Variants in TSPAN5 observed in about 807,000 individuals in gnomAD.
TSPAN5 encodes the protein tetraspanin-5.
Under a neutral mutation model 37.1 loss-of-function variants are expected in TSPAN5, and 10 were observed. The observed-to-expected ratio is 0.27, with a 90% CI of 0.17 to 0.46. The LOEUF (loss-of-function observed/expected upper bound fraction) is 0.46, where lower values mean the gene tolerates loss of function less well. Among genes scored for constraint, TSPAN5 ranks in the 20% least tolerant of loss-of-function variants. The probability of loss-of-function intolerance (pLI) is 1.00; values close to 1 mark genes in which losing one functional copy is unlikely to be tolerated. For missense variants in TSPAN5, 195 were observed against 326.6 expected (o/e 0.60, Z 3.11); for synonymous variants, 110 against 118.9 (o/e 0.93, Z 0.48).
chr4:98,621,590 G>C (rs550212466), intron 1 of TSPAN5, among the ~76,000 whole-genome samples: 26 of 151,904 alleles, frequency 1.7e-4, no homozygotes, highest in Admixed American at 8.5e-4. Context: ...GGATGCTCTC[G>C]ATCTCCTGAC....
At chr4:98,534,553 T>G (rs949939055) in intron 1 of TSPAN5, among the ~76,000 whole-genome samples, 1 of 152,236 alleles carries the variant, frequency 6.6e-6, no homozygotes, top group African/African-American at 2.4e-5. Flanking sequence ...AGAGCTGAGT[T>G]CAAGTCCTGA....
At chr4:98,608,863 G>C (rs564535577) in intron 1 of TSPAN5, among the ~76,000 whole-genome samples, 1 of 152,030 alleles carries the variant, frequency 6.6e-6, no homozygotes, top group Non-Finnish European at 1.5e-5. Context: ...AGAGATGTTC[G>C]TTTCTTCTTT....
At chr4:98,532,738 G>C (rs895991066) in intron 1 of TSPAN5, among the ~76,000 whole-genome samples, 1 of 152,218 alleles carries the variant, frequency 6.6e-6, no homozygotes, top group Non-Finnish European at 1.5e-5. Context: ...TTGAATAGGA[G>C]TGGTGAGAGA....
At chr4:98,600,803 A>T (rs1213815521) in intron 1 of TSPAN5, among the ~76,000 whole-genome samples, 2 of 152,220 alleles carry the variant, frequency 1.3e-5, no homozygotes, top group Admixed American at 1.3e-4. Flanking sequence ...AATGGCATCT[A>T]GAATGATGAC....
chr4:98,592,790 G>A (rs1313182408), intron 1 of TSPAN5, among the ~76,000 whole-genome samples: 2 of 151,092 alleles, frequency 1.3e-5, no homozygotes, highest in Non-Finnish European at 3.0e-5. Flanking sequence ...TGGCTGCACA[G>A]TATTCCATGG....
intron 1 of TSPAN5, among the ~76,000 whole-genome samples, chr4:98,615,210 A>G (rs770802426): frequency 1.7e-4 from 26 of 152,150 alleles, no homozygotes; most frequent in Non-Finnish European, 3.4e-4. Context: ...CCTGCTACAG[A>G]GTTTTTGTGC....
chr4:98,474,788 T>C (rs112491404), intron 7 of TSPAN5, among the ~76,000 whole-genome samples: 9,269 of 151,588 alleles, frequency 0.061, 624 homozygotes, highest in African/African-American at 0.17. Context: ...ATCCTCCCAC[T>C]TCAGCCTGCT....
rs1475715568 is a variant in TSPAN5 at position 98,478,682 on chromosome 4, T to TA, written c.576+2dup. On this transcript the variant is annotated splice_region_variant and intron_variant, in intron 5 of 7. Coordinates refer to ENST00000305798, the MANE Select transcript of TSPAN5 (RefSeq NM_005723.4). ...GGCCAATAGTTCGCTGGCATTCACT[T>TA]ACTGCGGGATCTTTAGTGCAGCAGG... 1 of 1,614,194 alleles carries TA rather than the reference T, an allele frequency of 6.2e-7. No individual in the cohort carries two copies. The highest frequency in any genetic ancestry group is 8.5e-7 in the Non-Finnish European group (1 of 1,180,040).
chr4:98,523,559 T>C (rs989436724), intron 1 of TSPAN5, among the ~76,000 whole-genome samples: 3 of 152,102 alleles, frequency 2.0e-5, no homozygotes, highest in Non-Finnish European at 2.9e-5. Context: ...CTCAGCCTCT[T>C]GAATAGCTGG....
chr4:98,582,128 G>A (rs1755382142), intron 1 of TSPAN5, among the ~76,000 whole-genome samples: 1 of 152,194 alleles, frequency 6.6e-6, no homozygotes, highest in Non-Finnish European at 1.5e-5. Context: ...GTTAAACAGA[G>A]TACTAAGTGA....
intron 1 of TSPAN5, among the ~76,000 whole-genome samples, chr4:98,633,781 T>C (rs1041929493): frequency 6.6e-6 from 1 of 152,092 alleles, no homozygotes; most frequent in African/African-American, 2.4e-5. Flanking sequence ...CTCATGTACT[T>C]AAAAGTGATC....
intron 1 of TSPAN5, among the ~76,000 whole-genome samples, chr4:98,654,139 G>T (rs1348967792): frequency 6.6e-6 from 1 of 152,178 alleles, no homozygotes; most frequent in Non-Finnish European, 1.5e-5. Context: ...TGCCCAGAGG[G>T]CCTTCCGGTA....
At position 98,473,492 on chromosome 4, in the gene TSPAN5, G is replaced by A. The variant is rs949055775; in HGVS notation, c.742-905C>T. ...TTTTGAGACGGAGTCTCGCTCTGTCGCCCAGGCCGGACTGCGGACTGCAGT... is the reference window on the plus strand; with the variant it reads ...TTTTGAGACGGAGTCTCGCTCTGTCACCCAGGCCGGACTGCGGACTGCAGT... On this transcript the variant is annotated intron_variant, in intron 7 of 7. Coordinates refer to ENST00000305798, the MANE Select transcript of TSPAN5 (RefSeq NM_005723.4). Among the ~76,000 whole-genome samples the A allele has an allele frequency of 4.3e-5, 6 of 140,492 alleles. 1 individual carries two copies. The South Asian group carries it at 6.6e-4, about 15-fold the overall frequency. 92.2% of individuals were successfully genotyped at this position (140,492 alleles called of 152,430 possible). A position where few individuals can be genotyped will look rare whatever the true frequency, so the allele number is the denominator to read the frequency against.
chr4:98,553,159 C>A (rs1754660611), intron 1 of TSPAN5, among the ~76,000 whole-genome samples: 1 of 152,072 alleles, frequency 6.6e-6, no homozygotes, highest in African/African-American at 2.4e-5. Context: ...TGGAAGTTAG[C>A]AAAACATTGT....
At chr4:98,642,188 C>T (rs945759541) in intron 1 of TSPAN5, among the ~76,000 whole-genome samples, 7 of 152,106 alleles carry the variant, frequency 4.6e-5, no homozygotes, top group African/African-American at 1.4e-4. Flanking sequence ...CTTCTTAGAG[C>T]AAGAAAGAGG....
chr4:98,498,026 C>T (rs773302893), intron 2 of TSPAN5, among the ~76,000 whole-genome samples: 3 of 152,178 alleles, frequency 2.0e-5, no homozygotes, highest in Non-Finnish European at 2.9e-5. Context: ...GTGGCAGTCA[C>T]GTGCTGTGGA....
At chr4:98,647,726 ATTAC>A (rs1170567331) in intron 1 of TSPAN5, among the ~76,000 whole-genome samples, 8 of 152,194 alleles carry the variant, frequency 5.3e-5, no homozygotes, top group African/African-American at 1.9e-4. Context: ...TAGTGATTAT[ATTAC>A]TTAAAAATTA....
At chr4:98,615,681 C>T (rs1389775140) in intron 1 of TSPAN5, among the ~76,000 whole-genome samples, 1 of 152,116 alleles carries the variant, frequency 6.6e-6, no homozygotes, top group African/African-American at 2.4e-5. Flanking sequence ...ATTAGCAGGG[C>T]GTGGTAATGT....
At chr4:98,515,398 A>G (rs1753706432) in intron 1 of TSPAN5, among the ~76,000 whole-genome samples, 1 of 152,062 alleles carries the variant, frequency 6.6e-6, no homozygotes, top group African/African-American at 2.4e-5. Context: ...CTCCTGACAC[A>G]TTTCTCAACC....
Sources: allele counts gnomAD v4.1 joint callset (sites outside exome capture counted in the v4.1 genomes callset), GRCh38; gene constraint gnomAD v4.1.1; transcripts MANE v1.5; gene names NCBI Gene and HGNC (gene_info 2026-07-23, HGNC 2026-07-21).